Variants in SLC29A3 observed in about 807,000 individuals in gnomAD.
The protein encoded by SLC29A3 is solute carrier family 29 member 3, also known as equilibrative nucleoside transporter 3.
Under a neutral mutation model 25.4 loss-of-function variants are expected in SLC29A3, and 18 were observed. The observed-to-expected ratio is 0.71, with a 90% CI of 0.49 to 1.05. The LOEUF is 1.05. Among genes scored for constraint, SLC29A3 ranks in the 50% least tolerant of loss-of-function variants. SLC29A3 has a pLI of 0.00. For missense variants in SLC29A3, 586 were observed against 609.0 expected (o/e 0.96, Z 0.40); for synonymous variants, 258 against 267.1 (o/e 0.97, Z 0.33).
intron 2 of SLC29A3, among the ~76,000 whole-genome samples, chr10:71,324,836 G>T (rs1845929303): frequency 6.6e-6 from 1 of 152,134 alleles, no homozygotes; most frequent in African/African-American, 2.4e-5. Context: ...TGACTTTGAA[G>T]GATTCTTGGC....
At chr10:71,375,461 A>G (rs920755672) in intron 3 of SLC29A3, among the ~76,000 whole-genome samples, 2 of 152,352 alleles carry the variant, frequency 1.3e-5, no homozygotes, top group East Asian at 3.9e-4. Flanking sequence ...TCCCTTTTTA[A>G]CAAAGAGATC....
chr10:71,356,638 G>C (rs1042835245), intron 5 of SLC29A3, among the ~76,000 whole-genome samples: 1 of 151,930 alleles, frequency 6.6e-6, no homozygotes. Context: ...CCCATTCTGG[G>C]CAACACAGTG....
chr10:71,345,625 G>A (rs72810361), intron 3 of SLC29A3, among the ~76,000 whole-genome samples: 9,088 of 152,266 alleles, frequency 0.06, 338 homozygotes, highest in East Asian at 0.18. Context: ...GGAGAGGGGC[G>A]TTGCAGCCCC....
At chr10:71,356,294 G>A in intron 5 of SLC29A3, 51 bp downstream of exon 5, 1 of 1,598,612 alleles carries the variant, frequency 6.3e-7, no homozygotes, top group Non-Finnish European at 8.5e-7. Context: ...TCCAGTTATA[G>A]CCATGCTTCT....
Position 71,356,252 on chromosome 10 carries a change from G to A in SLC29A3, c.773+9G>A, listed in dbSNP as rs1348012721. ...AGGCTGGAGTATGCCAGGTGAAGGT[G>A]CCACTCACTGTCCATGCCTCCTTCC... On this transcript the variant is annotated intron_variant, in intron 5 of 5. Transcript: ENST00000373189. 6.2e-7 allele frequency: 1 copy of A among 1,612,424 alleles called. No individual in the cohort carries two copies. The highest frequency in any genetic ancestry group is 8.5e-7 in the Non-Finnish European group (1 of 1,179,996).
chr10:71,337,682 C>T (rs972958160), intron 2 of SLC29A3, among the ~76,000 whole-genome samples: 4 of 152,226 alleles, frequency 2.6e-5, no homozygotes, highest in African/African-American at 9.6e-5. Flanking sequence ...AAATGGCATT[C>T]AGGGAAGAGA....
At position 71,350,464 on chromosome 10, in the gene SLC29A3, C is replaced by T. The variant is rs77679453; in HGVS notation, c.384-1098C>T. Among the ~76,000 whole-genome samples, 1,261 of 152,120 alleles carry T rather than the reference C, an allele frequency of 8.3e-3. 14 individuals are homozygous for T. The highest frequency in any genetic ancestry group is 0.029 in the African/African-American group (1,185 of 41,482). ...AGGAAAATTAACTACACATCCAATCCGGTTTAAAGCTTAGTCTAATCTGAT... is the reference window on the plus strand; with the variant it reads ...AGGAAAATTAACTACACATCCAATCTGGTTTAAAGCTTAGTCTAATCTGAT... On this transcript the variant is annotated intron_variant, in intron 3 of 5. Transcript: ENST00000373189.
downstream of SLC29A3, chr10:71,365,740 G>T (rs185594054): frequency 6.6e-6 from 1 of 152,060 alleles, no homozygotes; most frequent in Non-Finnish European, 1.5e-5. Flanking sequence ...TTCCCCCTCC[G>T]CCGTGAGAAG....
intron 3 of SLC29A3, among the ~76,000 whole-genome samples, chr10:71,374,339 G>A (rs1847233894): frequency 6.6e-6 from 1 of 152,132 alleles, no homozygotes; most frequent in South Asian, 2.1e-4. Flanking sequence ...ACCCCCTCAG[G>A]ACATGCGTGA....
intron 3 of SLC29A3, 132 bp from the exon 4 acceptor site, chr10:71,351,430 C>T: frequency 1.4e-6 from 1 of 718,742 alleles, no homozygotes; most frequent in Non-Finnish European, 2.4e-6. Context: ...GATTCGAGTG[C>T]AGGCCTCTTG....
At chr10:71,375,228 A>G (rs998705193) in intron 3 of SLC29A3, among the ~76,000 whole-genome samples, 2 of 152,222 alleles carry the variant, frequency 1.3e-5, no homozygotes, top group Non-Finnish European at 2.9e-5. Flanking sequence ...TGAGCACTGA[A>G]GGCTCCAAGG....
chr10:71,356,371 A>T, intron 5 of SLC29A3, 128 bp downstream of exon 5: 1 of 1,207,160 alleles, frequency 8.3e-7, no homozygotes, highest in Non-Finnish European at 1.2e-6. Flanking sequence ...TTGTTCAACA[A>T]ATAGGCTTGG....
At chr10:71,378,090 A>C (rs1847273662) in intron 4 of SLC29A3, among the ~76,000 whole-genome samples, 1 of 79,996 alleles carries the variant, frequency 1.3e-5, no homozygotes, top group African/African-American at 4.0e-5. Flanking sequence ...AAGCTTAGAC[A>C]ATGTTGGGGG....
chr10:71,342,451 AATG>A (rs1274555523), intron 2 of SLC29A3, among the ~76,000 whole-genome samples: 1 of 152,234 alleles, frequency 6.6e-6, no homozygotes, highest in Non-Finnish European at 1.5e-5. Context: ...TTCAACATTA[AATG>A]ATACCTTTTA....
rs142216905 is a variant in SLC29A3, at chr10:71,322,953, C to T, written c.199C>T (p.Pro67Ser). Residue 67 changes from proline (P) to serine (S), a missense_variant, in exon 2 of 6, where the codon CCA becomes TCA. By Grantham distance (74) the Pro-to-Ser change is moderately conservative. Transcript: ENST00000373189. Reference protein sequence around the residue: ...FFSLGIGSLLPWNFFITAKEY... With the variant: ...FFSLGIGSLLSWNFFITAKEY... ...CAGCCTGGGCATTGGCAGTCTACTG[C>T]CATGGAACTTCTTTATCACTGCCAA... The T allele has an allele frequency of 2.0e-5, 33 of 1,614,226 alleles. No individual in the cohort carries two copies. In the African/African-American group the frequency reaches 4.0e-4, roughly 20 times the overall value.
chr10:71,350,422 C>T (rs1407359615), intron 3 of SLC29A3, among the ~76,000 whole-genome samples: 1 of 151,694 alleles, frequency 6.6e-6, no homozygotes, highest in Non-Finnish European at 1.5e-5. Context: ...TCTCCCAGCC[C>T]CCTCCCACTG....
At chr10:71,329,457 CAAAAAAAA>C (rs1554814829) in intron 2 of SLC29A3, among the ~76,000 whole-genome samples, 1 of 120,480 alleles carries the variant, frequency 8.3e-6, no homozygotes, top group Non-Finnish European at 1.8e-5. Context: ...GACTCTGTCT[CAAAAAAAA>C]AAAAAAAAGA....
chr10:71,366,667 A>C (rs1417344406), downstream of SLC29A3, among the ~76,000 whole-genome samples: 2 of 151,888 alleles, frequency 1.3e-5, no homozygotes, highest in African/African-American at 4.8e-5. Flanking sequence ...CAGGGAGAAG[A>C]CTTCGGCCTC....
At chr10:71,363,958 A>G (rs980348469), downstream of SLC29A3, among the ~76,000 whole-genome samples, 27 of 151,852 alleles carry the variant, frequency 1.8e-4, no homozygotes, top group Non-Finnish European at 3.5e-4. Flanking sequence ...AAAAACTAGT[A>G]ATAGGCCATT....
Sources: allele counts gnomAD v4.1 joint callset (sites outside exome capture counted in the v4.1 genomes callset), GRCh38; gene constraint gnomAD v4.1.1; transcripts MANE v1.5; gene names NCBI Gene and HGNC (gene_info 2026-07-23, HGNC 2026-07-21).